The following CNST variants were observed in gnomAD, a reference collection of about 807,000 sequenced individuals.
CNST encodes consortin, connexin sorting protein.
In CNST, 39 loss-of-function variants were observed where a neutral mutation model predicts 72.4. The observed-to-expected ratio is 0.54, with a 90% confidence interval of 0.42 to 0.70. CNST has a LOEUF of 0.70. CNST is among the 30% of genes least tolerant of loss of function. The pLI is 0.00. For missense variants in CNST, 871 were observed against 868.5 expected (o/e 1.00, Z -0.04); for synonymous variants, 332 against 320.1 (o/e 1.04, Z -0.40).
Position 246,668,433 on chromosome 1 carries a change from A to G in CNST, c.*2528A>G, listed in dbSNP as rs897188849. The G allele has an allele frequency of 5.3e-5, 8 of 152,224 alleles. No individual in the cohort carries two copies. Among genetic ancestry groups the G allele is most frequent in the Non-Finnish European group, 7.3e-5 (5 of 68,040 alleles). The allele number at this position is 152,224 out of a possible 1,614,324, so 9.4% of individuals were successfully genotyped here. A position where few individuals can be genotyped will look rare whatever the true frequency, so the allele number is the denominator to read the frequency against. ...ATTTCAGAAGTTGATCTGGCCCTAC[A>G]AGTAGACAGTCATCTACTTTGGGAA... On this transcript the variant is annotated 3_prime_UTR_variant, in exon 11 of 11. Coordinates refer to ENST00000366513, the MANE Select transcript of CNST (RefSeq NM_152609.3).
rs1228672087 is a variant in CNST at position 246,585,663 on chromosome 1, AT to A, written c.-51-5848del. On this transcript the variant is annotated intron_variant, in intron 1 of 10. Coordinates refer to ENST00000366513, the MANE Select transcript of CNST (RefSeq NM_152609.3). ...TCTCAAAAAAAAAAAAAAAAAAAAA[AT>A]ATACACACACACACACACACACACA... 2.1e-3 allele frequency among the ~76,000 whole-genome samples: 90 copies of A among 41,884 alleles called. 2 individuals carry two copies. Among genetic ancestry groups the A allele is most frequent in the Middle Eastern group, 0.023 (1 of 44 alleles). The allele number at this position is 41,884 out of a possible 152,430, so 27.5% of individuals were successfully genotyped here. A position where few individuals can be genotyped will look rare whatever the true frequency, so the allele number is the denominator to read the frequency against.
chr1:246,610,555 C>A (rs1269303762), intron 2 of CNST, among the ~76,000 whole-genome samples: 1 of 152,076 alleles, frequency 6.6e-6, no homozygotes. Flanking sequence ...TATTGAAAAC[C>A]GGACATTGGT....
intron 9 of CNST, among the ~76,000 whole-genome samples, chr1:246,659,674 A>G (rs1666978557): frequency 6.6e-6 from 1 of 152,214 alleles, no homozygotes; most frequent in Non-Finnish European, 1.5e-5. Context: ...GCAGTAGAGC[A>G]TTATTTAGTA....
chr1:246,576,234 C>CAA (rs1232775346), intron 1 of CNST, among the ~76,000 whole-genome samples: 1,023 of 13,616 alleles, frequency 0.075, 338 homozygotes, highest in African/African-American at 0.26. Flanking sequence ...GACTCCGTCT[C>CAA]AAAAAAAAAA....
chr1:246,627,637 T>G (rs1664520267), intron 3 of CNST, among the ~76,000 whole-genome samples: 1 of 152,174 alleles, frequency 6.6e-6, no homozygotes, highest in Non-Finnish European at 1.5e-5. Flanking sequence ...CACAAGAGTC[T>G]GGGGAGAGGC....
chr1:246,569,817 C>T (rs1020687339), intron 1 of CNST: 17 of 254,272 alleles, frequency 6.7e-5, no homozygotes, highest in South Asian at 5.9e-4. Context: ...CATTTCCTGG[C>T]GTGTCATTGT....
chr1:246,601,024 G>T (rs1167305525), intron 2 of CNST, among the ~76,000 whole-genome samples: 1 of 152,136 alleles, frequency 6.6e-6, no homozygotes, highest in Non-Finnish European at 1.5e-5. Flanking sequence ...ACAATGAGAC[G>T]CCAGGCATGG....
chr1:246,574,500 C>T (rs573053740), intron 1 of CNST, among the ~76,000 whole-genome samples: 10 of 152,258 alleles, frequency 6.6e-5, no homozygotes, highest in South Asian at 4.1e-4. Context: ...ATTATAGCTC[C>T]GTGCAGCCTC....
chr1:246,646,055 A>G (rs12119948), intron 8 of CNST, among the ~76,000 whole-genome samples: 27,005 of 151,698 alleles, frequency 0.18, 4,236 homozygotes, highest in African/African-American at 0.43. Flanking sequence ...CGAGGCGGGC[A>G]GATCACGAGG....
At position 246,666,579 on chromosome 1, in the gene CNST, T is replaced by C. The variant is rs1041845365; in HGVS notation, c.*674T>C. On this transcript the variant is annotated 3_prime_UTR_variant, in exon 11 of 11. Transcript: ENST00000366513. Reference sequence around the variant, plus strand: ...GGAGAAGGCTTAACTGTGGAATAGATGAATTCTAGAACTCTTGACCCTGCA... The same window carrying C: ...GGAGAAGGCTTAACTGTGGAATAGACGAATTCTAGAACTCTTGACCCTGCA... 4.6e-5 allele frequency: 7 copies of C among 152,290 alleles called. No individual in the cohort carries two copies. Among genetic ancestry groups the C allele is most frequent in the African/African-American group, 1.7e-4 (7 of 41,468 alleles). The allele number at this position is 152,290 out of a possible 1,614,324, so 9.4% of individuals were successfully genotyped here.
intron 9 of CNST, 37 bp downstream of exon 9, chr1:246,648,074 G>T (rs1183241242): frequency 1.9e-6 from 3 of 1,556,822 alleles, no homozygotes; most frequent in Non-Finnish European, 2.6e-6. Context: ...AAGTAAAATG[G>T]CATTTAAAAA....
At chr1:246,647,104 T>G (rs1312923180) in intron 8 of CNST, 35 bp from the exon 9 acceptor site, 1 of 1,571,000 alleles carries the variant, frequency 6.4e-7, no homozygotes, top group Non-Finnish European at 8.6e-7. Context: ...AGTGTTGTTT[T>G]GAATTTTTAA....
At chr1:246,595,327 G>A (rs1661807904) in intron 2 of CNST, among the ~76,000 whole-genome samples, 1 of 152,118 alleles carries the variant, frequency 6.6e-6, no homozygotes. Context: ...TCAGCCTGTC[G>A]TCTCTCAGTA....
At chr1:246,643,689 A>G (rs2103124927) in intron 8 of CNST, among the ~76,000 whole-genome samples, 1 of 152,340 alleles carries the variant, frequency 6.6e-6, no homozygotes, top group South Asian at 2.1e-4. Context: ...AACAATCCAG[A>G]TGTCCCAGGA....
At chr1:246,657,436 C>G (rs1381096792) in intron 9 of CNST, among the ~76,000 whole-genome samples, 1 of 152,076 alleles carries the variant, frequency 6.6e-6, no homozygotes, top group Non-Finnish European at 1.5e-5. Flanking sequence ...GGGGCAGGCC[C>G]TGCTGAAACA....
At chr1:246,631,750 A>G in intron 3 of CNST, 144 bp from the exon 4 acceptor site, 1 of 655,670 alleles carries the variant, frequency 1.5e-6, no homozygotes. Context: ...ATTTCTTCTG[A>G]ACTGTTGAAT....
chr1:246,638,932 C>T (rs766835400), intron 6 of CNST, among the ~76,000 whole-genome samples: 4 of 152,112 alleles, frequency 2.6e-5, no homozygotes, highest in Non-Finnish European at 5.9e-5. Context: ...TTGAAGGAGC[C>T]GTGGGGCAGA....
rs140745886 is a variant in CNST at position 246,605,368 on chromosome 1, G to T, written c.379+13427G>T. Among the ~76,000 whole-genome samples, 1,020 of 152,330 alleles carry T rather than the reference G, an allele frequency of 6.7e-3. 11 individuals are homozygous for T. The highest frequency in any genetic ancestry group is 0.023 in the African/African-American group (953 of 41,568). ...AAGCAAGGGAGTCGCTTGAGTCCAT[G>T]AGTTAAAGAACAGCCTGGGCCGGGC... is the stretch of plus-strand genomic sequence containing the variant. On this transcript the variant is annotated intron_variant, in intron 2 of 10. Transcript: ENST00000366513.
chr1:246,584,624 T>C (rs1413816769), intron 1 of CNST, among the ~76,000 whole-genome samples: 2 of 152,186 alleles, frequency 1.3e-5, no homozygotes, highest in African/African-American at 4.8e-5. Flanking sequence ...TTGAAGACAG[T>C]GTATGAAACC....
Sources: gnomAD v4.1 joint callset for allele counts (sites outside exome capture counted in the v4.1 genomes callset) on GRCh38, gnomAD v4.1.1 for gene constraint, MANE v1.5 for transcripts, NCBI Gene and HGNC (gene_info 2026-07-23, HGNC 2026-07-21) for gene names.